THSD7B: variants seen among roughly 807,000 people sequenced by gnomAD.
THSD7B encodes the protein thrombospondin type-1 domain-containing protein 7B.
In THSD7B, 138 loss-of-function variants were observed where a neutral mutation model predicts 213.6. The observed-to-expected ratio is 0.65, with a 90% confidence interval of 0.56 to 0.74. THSD7B has a LOEUF of 0.74. Ranked by LOEUF, THSD7B falls within the 30% of genes least tolerant of loss-of-function variation. THSD7B has a pLI of 0.00. For synonymous variants in THSD7B, 742 were observed against 687.0 expected, an observed-to-expected ratio of 1.08 and a Z score of -1.25; for missense variants, 1,931 against 1,991.5, an observed-to-expected ratio of 0.97 and a Z score of 0.58.
intron 15 of THSD7B, among the ~76,000 whole-genome samples, chr2:137,541,316 A>C (rs1048610522): frequency 1.3e-5 from 2 of 151,704 alleles, no homozygotes; most frequent in African/African-American, 4.8e-5. Context: ...AAAAAAAAAA[A>C]TATGGTCCAA....
chr2:137,509,091 T>A (rs1267831012), intron 15 of THSD7B, among the ~76,000 whole-genome samples: 3 of 152,156 alleles, frequency 2.0e-5, no homozygotes, highest in African/African-American at 7.2e-5. Context: ...TATTTCTTTT[T>A]CAGAATCATA....
At chr2:137,211,338 A>ACACACACACACACACACACACACAGAGG (rs1553479459) in intron 7 of THSD7B, among the ~76,000 whole-genome samples, 1,199 of 103,108 alleles carry the variant, frequency 0.012, 20 homozygotes, top group East Asian at 0.072. Flanking sequence ...TCCTACACAC[A>ACACACACACACACACACACACACAGAGG]CACACACACA....
intron 1 of THSD7B, among the ~76,000 whole-genome samples, chr2:136,778,167 G>T (rs138793213): frequency 1.3e-5 from 2 of 152,188 alleles, no homozygotes; most frequent in African/African-American, 4.8e-5. Context: ...CCCTCCTCAT[G>T]GCACTAGATT....
intron 1 of THSD7B, among the ~76,000 whole-genome samples, chr2:136,863,911 C>T (rs979769529): frequency 6.6e-6 from 1 of 152,052 alleles, no homozygotes; most frequent in Non-Finnish European, 1.5e-5. Context: ...TTTACAGGAC[C>T]GTGAAACCCA....
At chr2:136,975,577 T>G (rs1002690886) in intron 2 of THSD7B, among the ~76,000 whole-genome samples, 10 of 152,212 alleles carry the variant, frequency 6.6e-5, no homozygotes, top group African/African-American at 1.9e-4. Flanking sequence ...CATGCTGTTT[T>G]GGATACTGTG....
At chr2:137,285,222 C>A (rs1242217999) in intron 12 of THSD7B, among the ~76,000 whole-genome samples, 2 of 152,032 alleles carry the variant, frequency 1.3e-5, no homozygotes, top group Non-Finnish European at 2.9e-5. Context: ...AGGATTGCAA[C>A]CCCTGCCTTT....
At chr2:136,989,729 C>T (rs990845702) in intron 2 of THSD7B, among the ~76,000 whole-genome samples, 5 of 152,094 alleles carry the variant, frequency 3.3e-5, no homozygotes, top group Non-Finnish European at 5.9e-5. Flanking sequence ...GGCTGGAACC[C>T]GTGGAAGGGA....
At chr2:137,024,599 T>C (rs760491138) in intron 2 of THSD7B, among the ~76,000 whole-genome samples, 28 of 152,238 alleles carry the variant, frequency 1.8e-4, no homozygotes, top group Non-Finnish European at 3.7e-4. Context: ...CCTTATTTCA[T>C]TATAATAAGG....
At position 137,657,176 on chromosome 2, in the gene THSD7B, A is replaced by C. The variant is rs1356057166; in HGVS notation, c.4375+16A>C. On this transcript the variant is annotated intron_variant, in intron 24 of 27. Transcript: ENST00000409968. The stretch of plus-strand genomic sequence containing the variant: ...AATGTCACAGGTATTCCTGCCTAAG[A>C]CTCATGTGGGCACTTCACAAACACC... 6.2e-7 allele frequency: 1 copy of C among 1,612,616 alleles called. No homozygotes were observed. Among genetic ancestry groups the C allele is most frequent in the Admixed American group, 1.7e-5 (1 of 59,936 alleles).
At chr2:136,831,207 T>G (rs1682749873) in intron 1 of THSD7B, among the ~76,000 whole-genome samples, 1 of 148,416 alleles carries the variant, frequency 6.7e-6, no homozygotes, top group Non-Finnish European at 1.5e-5. Flanking sequence ...AACTCAAAAT[T>G]ATATTTCCTA....
At chr2:137,386,850 G>A (rs1685907597) in intron 12 of THSD7B, among the ~76,000 whole-genome samples, 1 of 152,080 alleles carries the variant, frequency 6.6e-6, no homozygotes, top group African/African-American at 2.4e-5. Flanking sequence ...AGCTTAAGAG[G>A]GCTGCCTGAC....
rs1410852276 is a variant in THSD7B, at chr2:137,148,063, A to C, written c.1370-12150A>C. 2.0e-5 allele frequency among the ~76,000 whole-genome samples: 3 copies of C among 152,020 alleles called. No individual in the cohort carries two copies. The East Asian group carries it at 5.8e-4, about 29-fold the overall frequency. On this transcript the variant is annotated intron_variant, in intron 5 of 27. Transcript: ENST00000409968. Reference sequence around the variant, plus strand: ...TTGAATTGTAGTTCCCATAATCCCCAAGTGTCATGGGAAGGACCTGGTAGC... The same window carrying C: ...TTGAATTGTAGTTCCCATAATCCCCCAGTGTCATGGGAAGGACCTGGTAGC...
chr2:137,372,719 T>C (rs562638710), intron 12 of THSD7B, among the ~76,000 whole-genome samples: 101 of 152,202 alleles, frequency 6.6e-4, no homozygotes, highest in African/African-American at 2.4e-3. Context: ...TATTATACTT[T>C]AAGTTTTAGG....
chr2:137,109,806 G>A (rs949229539), intron 4 of THSD7B, among the ~76,000 whole-genome samples: 2 of 152,094 alleles, frequency 1.3e-5, no homozygotes, highest in Admixed American at 6.6e-5. Context: ...CTAACAGGCC[G>A]CTGACCAGTA....
At chr2:136,818,708 A>G (rs376432124) in intron 1 of THSD7B, among the ~76,000 whole-genome samples, 3 of 152,132 alleles carry the variant, frequency 2.0e-5, no homozygotes, top group Non-Finnish European at 1.5e-5. Flanking sequence ...TTCAGCCTCT[A>G]TGTGAAATTG....
intron 15 of THSD7B, among the ~76,000 whole-genome samples, chr2:137,548,633 C>T (rs144416126): frequency 1.8e-4 from 27 of 151,994 alleles, no homozygotes; most frequent in African/African-American, 5.3e-4. Context: ...AGTCTCCAGA[C>T]TTTATTCTGT....
intron 5 of THSD7B, among the ~76,000 whole-genome samples, chr2:137,144,904 T>G (rs558657621): frequency 9.9e-5 from 15 of 152,244 alleles, no homozygotes; most frequent in African/African-American, 3.6e-4. Context: ...AATTTTAGGT[T>G]GATTTTTACA....
chr2:137,106,275 G>C lies in THSD7B; in HGVS notation c.1200-8849G>C, dbSNP rs138407088. 9.6e-3 allele frequency among the ~76,000 whole-genome samples: 1,463 copies of C among 151,686 alleles called. 29 individuals are homozygous for C. Among genetic ancestry groups the C allele is most frequent in the Non-Finnish European group, 0.011 (749 of 68,026 alleles). Reference sequence around the variant, plus strand: ...CAATCATCTGATCTTTGACAAACCTGACACAAACAAGCAATGGGGAAAGGA... The same window carrying C: ...CAATCATCTGATCTTTGACAAACCTCACACAAACAAGCAATGGGGAAAGGA... On this transcript the variant is annotated intron_variant, in intron 4 of 27. Coordinates refer to ENST00000409968, the MANE Select transcript of THSD7B (RefSeq NM_001316349.2).
At chr2:136,952,674 A>G (rs1685059260) in intron 2 of THSD7B, among the ~76,000 whole-genome samples, 1 of 152,168 alleles carries the variant, frequency 6.6e-6, no homozygotes, top group Non-Finnish European at 1.5e-5. Flanking sequence ...GTTCTCAAAG[A>G]ACCTAAAATT....
Sources: gnomAD v4.1 joint callset for allele counts (sites outside exome capture counted in the v4.1 genomes callset) on GRCh38, gnomAD v4.1.1 for gene constraint, MANE v1.5 for transcripts, NCBI Gene and HGNC (gene_info 2026-07-23, HGNC 2026-07-21) for gene names.